The following TAFA4 variants were observed in gnomAD, a reference collection of about 807,000 sequenced individuals.
TAFA4 encodes TAFA chemokine like family member 4.
TAFA4 carries 20 observed loss-of-function variants against 21.1 expected under a neutral mutation model. The ratio of observed to expected loss-of-function variants is 0.95; its 90% CI spans 0.67 to 1.38. The LOEUF (loss-of-function observed/expected upper bound fraction) is 1.38, where lower values mean the gene tolerates loss of function less well. Ranked by LOEUF, TAFA4 falls within the 40% of genes most tolerant of loss-of-function variation. The pLI, the probability that TAFA4 is intolerant of heterozygous loss-of-function variation, is 0.00. For missense variants in TAFA4, 211 were observed against 180.9 expected, an observed-to-expected ratio of 1.17 and a Z score of -0.95; for synonymous variants, 71 against 67.4, an observed-to-expected ratio of 1.05 and a Z score of -0.26.
chr3:68,779,734 T>G (rs926426452), intron 3 of TAFA4, among the ~76,000 whole-genome samples: 2 of 152,228 alleles, frequency 1.3e-5, no homozygotes, highest in Admixed American at 6.5e-5. Flanking sequence ...AGGCAGAAGT[T>G]TGCTGCAGGG....
chr3:68,825,152 C>A (rs1704199619), intron 3 of TAFA4, among the ~76,000 whole-genome samples: 1 of 152,132 alleles, frequency 6.6e-6, no homozygotes. Context: ...CAGGCCCCAG[C>A]ATGTGATGAT....
intron 1 of TAFA4, among the ~76,000 whole-genome samples, chr3:68,894,061 T>C (rs1559555916): frequency 1.3e-5 from 2 of 152,080 alleles, no homozygotes; most frequent in African/African-American, 2.4e-5. Flanking sequence ...ACTAACAGCT[T>C]CTAAATAAAA....
intron 1 of TAFA4, among the ~76,000 whole-genome samples, chr3:68,917,684 G>T (rs1239984586): frequency 6.7e-6 from 1 of 149,354 alleles, no homozygotes; most frequent in Non-Finnish European, 1.5e-5. Flanking sequence ...AACTCGAGAG[G>T]CAGAGGTTGC....
In TAFA4 at chr3:68,752,932, T is replaced by C. The variant is rs767988662; in HGVS notation, c.217A>G (p.Thr73Ala). 1 of 1,613,990 alleles carries C rather than the reference T, an allele frequency of 6.2e-7. No homozygotes were observed. Among genetic ancestry groups the C allele is most frequent in the South Asian group, 1.1e-5 (1 of 91,064 alleles). The change falls in exon 4 of 6, where the codon ACG (threonine) becomes GCG (alanine). Residue 73 changes from threonine to alanine, a missense_variant. Thr to Ala is a moderately conservative substitution (Grantham distance 58). Coordinates refer to ENST00000295569, the MANE Select transcript of TAFA4 (RefSeq NM_182522.5). ...NKNRIEERSQ[T>A]VKCSCFPGQV... ...CCCGGGAAGCAAGAGCACTTGACCGTTTGTGACCGCTCTTCTATGCGGTTC... is the reference window on the plus strand; with the variant it reads ...CCCGGGAAGCAAGAGCACTTGACCGCTTGTGACCGCTCTTCTATGCGGTTC...
chr3:68,849,494 T>C (rs931049324), intron 3 of TAFA4, among the ~76,000 whole-genome samples: 3 of 152,126 alleles, frequency 2.0e-5, no homozygotes, highest in Non-Finnish European at 4.4e-5. Flanking sequence ...ACTACACAGA[T>C]CAGCAGAGGC....
intron 3 of TAFA4, among the ~76,000 whole-genome samples, chr3:68,841,631 G>C (rs1704668210): frequency 6.6e-6 from 1 of 151,958 alleles, no homozygotes; most frequent in African/African-American, 2.4e-5. Context: ...ACGTGCCATG[G>C]TGGTTTGCTG....
intron 4 of TAFA4, among the ~76,000 whole-genome samples, chr3:68,743,422 G>A (rs907884457): frequency 9.2e-5 from 14 of 151,744 alleles, no homozygotes; most frequent in Admixed American, 2.6e-4. Context: ...CTAAAAATGC[G>A]AACATTCACT....
chr3:68,921,386 C>A (rs947731716), intron 1 of TAFA4, among the ~76,000 whole-genome samples: 1 of 152,110 alleles, frequency 6.6e-6, no homozygotes, highest in African/African-American at 2.4e-5. Flanking sequence ...AAAAAGCAAG[C>A]TCTTTACATG....
chr3:68,792,211 A>C (rs1703375073), intron 3 of TAFA4, among the ~76,000 whole-genome samples: 1 of 152,252 alleles, frequency 6.6e-6, no homozygotes, highest in African/African-American at 2.4e-5. Flanking sequence ...AAGAATAAGA[A>C]GTTAGCAGAC....
At chr3:68,821,220 G>A (rs145285852) in intron 3 of TAFA4, among the ~76,000 whole-genome samples, 4 of 151,966 alleles carry the variant, frequency 2.6e-5, no homozygotes, top group African/African-American at 4.8e-5. Flanking sequence ...TAATTTCAGT[G>A]AGGACTCACA....
At chr3:68,813,960 T>A (rs567402280) in intron 3 of TAFA4, among the ~76,000 whole-genome samples, 20 of 152,280 alleles carry the variant, frequency 1.3e-4, no homozygotes, top group Non-Finnish European at 2.2e-4. Context: ...TCAAAAACCT[T>A]ATCCACCATG....
At chr3:68,742,918 C>A (rs905873286) in intron 4 of TAFA4, among the ~76,000 whole-genome samples, 2 of 152,100 alleles carry the variant, frequency 1.3e-5, no homozygotes, top group Non-Finnish European at 2.9e-5. Context: ...CTACTAGAAA[C>A]AAATCCTTGT....
At chr3:68,898,993 A>C (rs796091445) in intron 1 of TAFA4, among the ~76,000 whole-genome samples, 39 of 152,324 alleles carry the variant, frequency 2.6e-4, no homozygotes, top group African/African-American at 8.9e-4. Context: ...TGAAGTTTGG[A>C]CACTACAGAA....
At chr3:68,816,189 T>C (rs931085529) in intron 3 of TAFA4, among the ~76,000 whole-genome samples, 1 of 151,994 alleles carries the variant, frequency 6.6e-6, no homozygotes, top group South Asian at 2.1e-4. Context: ...GGAGGAGGGA[T>C]AGCATTAGGA....
intron 3 of TAFA4, among the ~76,000 whole-genome samples, chr3:68,822,838 C>A: frequency 6.6e-6 from 1 of 152,224 alleles, no homozygotes; most frequent in Middle Eastern, 3.4e-3. Context: ...TTAATTTTAC[C>A]TTCACCACTC....
intron 4 of TAFA4, among the ~76,000 whole-genome samples, chr3:68,741,005 T>G (rs1241935375): frequency 6.6e-6 from 1 of 152,222 alleles, no homozygotes; most frequent in African/African-American, 2.4e-5. Context: ...TGGGTCTACA[T>G]GTCTATTTAT....
At chr3:68,760,730 G>A (rs35593664) in intron 3 of TAFA4, among the ~76,000 whole-genome samples, 5,982 of 152,290 alleles carry the variant, frequency 0.039, 323 homozygotes, top group East Asian at 0.25. Flanking sequence ...TTCCCTTGGC[G>A]AACATGCCCA....
intron 3 of TAFA4, among the ~76,000 whole-genome samples, chr3:68,854,645 C>T (rs1705026035): frequency 6.6e-6 from 1 of 151,024 alleles, no homozygotes. Flanking sequence ...TCTCATTTGA[C>T]TTGGTTTTGT....
intron 3 of TAFA4, among the ~76,000 whole-genome samples, chr3:68,774,649 ATT>A (rs1162435421): frequency 6.6e-6 from 1 of 152,246 alleles, no homozygotes; most frequent in Non-Finnish European, 1.5e-5. Flanking sequence ...ATAAATTTGA[ATT>A]TATATAAAAT....
Sources: allele counts gnomAD v4.1 joint callset (sites outside exome capture counted in the v4.1 genomes callset), GRCh38; gene constraint gnomAD v4.1.1; transcripts MANE v1.5; gene names NCBI Gene and HGNC (gene_info 2026-07-23, HGNC 2026-07-21).